MLIP: variants seen among roughly 807,000 people sequenced by gnomAD.
MLIP encodes the protein muscular LMNA-interacting protein.
In MLIP, 79 loss-of-function variants were observed where a neutral mutation model predicts 84.8. That is an observed-to-expected ratio of 0.93 (90% CI 0.78 to 1.12). The LOEUF (loss-of-function observed/expected upper bound fraction) is 1.12, where lower values mean the gene tolerates loss of function less well. Among genes scored for constraint, MLIP ranks in the 50% most tolerant of loss-of-function variants. MLIP has a pLI of 0.00. For missense variants in MLIP, 1,257 were observed against 1,160.6 expected, an observed-to-expected ratio of 1.08 and a Z score of -1.21; for synonymous variants, 504 against 463.0, an observed-to-expected ratio of 1.09 and a Z score of -1.14.
chr6:54,125,547 T>C (rs923984653), intron 3 of MLIP, among the ~76,000 whole-genome samples: 1 of 152,172 alleles, frequency 6.6e-6, no homozygotes, highest in Non-Finnish European at 1.5e-5. Flanking sequence ...AAAGAAAGGA[T>C]GCGGACAAGG....
At chr6:54,201,869 T>C (rs1457282478) in intron 10 of MLIP, among the ~76,000 whole-genome samples, 2 of 152,228 alleles carry the variant, frequency 1.3e-5, no homozygotes, top group Non-Finnish European at 2.9e-5. Flanking sequence ...ATTTTGAATG[T>C]TACAATAGTA....
At chr6:54,102,726 C>A (rs1488731949) in intron 1 of MLIP, among the ~76,000 whole-genome samples, 1 of 152,152 alleles carries the variant, frequency 6.6e-6, no homozygotes, top group African/African-American at 2.4e-5. Context: ...TGTGTATTGA[C>A]CTCCTACTAT....
intron 11 of MLIP, chr6:54,217,125 G>T (rs897546370): frequency 3.0e-6 from 3 of 985,212 alleles, no homozygotes; most frequent in Admixed American, 6.2e-5. Flanking sequence ...GGAGTGAAAG[G>T]CTCCAGTAAT....
intron 12 of MLIP, among the ~76,000 whole-genome samples, chr6:54,232,738 C>G (rs552711969): frequency 6.6e-6 from 1 of 152,318 alleles, no homozygotes. Context: ...AAGACATAAT[C>G]TGTTATTTAA....
intron 1 of MLIP, chr6:54,031,315 G>A (rs1764121492): frequency 6.6e-6 from 1 of 152,040 alleles, no homozygotes; most frequent in African/African-American, 2.4e-5. Context: ...TCTGATTTTG[G>A]TGCTTTACTC....
intron 9 of MLIP, among the ~76,000 whole-genome samples, chr6:54,172,567 A>G (rs1241819135): frequency 6.6e-6 from 1 of 151,700 alleles, no homozygotes; most frequent in Non-Finnish European, 1.5e-5. Flanking sequence ...TGTTAAAACC[A>G]ACTTACAAAT....
At chr6:54,120,855 T>C (rs1332369729) in intron 1 of MLIP, among the ~76,000 whole-genome samples, 1 of 152,128 alleles carries the variant, frequency 6.6e-6, no homozygotes, top group Non-Finnish European at 1.5e-5. Context: ...TTCACCGTTG[T>C]TTCCCTACCT....
intron 12 of MLIP, among the ~76,000 whole-genome samples, chr6:54,239,582 C>T (rs1781594447): frequency 6.7e-6 from 1 of 149,512 alleles, no homozygotes; most frequent in Non-Finnish European, 1.5e-5. Context: ...ACCAGCCTGA[C>T]CAACATCCAA....
At chr6:54,117,740 A>G (rs1770071222) in intron 1 of MLIP, among the ~76,000 whole-genome samples, 1 of 151,216 alleles carries the variant, frequency 6.6e-6, no homozygotes, top group South Asian at 2.1e-4. Context: ...AGATCAGGAG[A>G]TCGACACCAT....
At chr6:54,258,023 T>C (rs1271046790) in intron 13 of MLIP, among the ~76,000 whole-genome samples, 1 of 152,128 alleles carries the variant, frequency 6.6e-6, no homozygotes, top group East Asian at 1.9e-4. Context: ...TTTACTTTTG[T>C]ATTCCTCAAG....
At position 54,126,500 on chromosome 6, in the gene MLIP, C is replaced by T. The variant is rs559646789; in HGVS notation, c.645+1635C>T. ...TAATTGTGGCTGAAGATTATGATTA[C>T]CAGTAGTGGTGGAATACTAGATCCT... On this transcript the variant is annotated intron_variant, in intron 3 of 13. Transcript: ENST00000502396. Among the ~76,000 whole-genome samples the T allele has an allele frequency of 1.8e-4, 27 of 151,718 alleles. 1 individual carries two copies. In the South Asian group the frequency reaches 5.6e-3, roughly 32 times the overall value.
intron 2 of MLIP, among the ~76,000 whole-genome samples, chr6:54,122,626 ATGC>A (rs553992057): frequency 1.3e-4 from 20 of 152,292 alleles, no homozygotes; most frequent in Non-Finnish European, 2.5e-4. Context: ...GGGGTTTTCA[ATGC>A]TGCTATCTTC....
chr6:54,052,307 A>G (rs1235669868), intron 1 of MLIP, among the ~76,000 whole-genome samples: 3 of 152,176 alleles, frequency 2.0e-5, no homozygotes, highest in African/African-American at 7.2e-5. Flanking sequence ...GCATCAGGAA[A>G]GCACATTAAA....
intron 1 of MLIP, among the ~76,000 whole-genome samples, chr6:54,104,307 G>A (rs1768859058): frequency 6.6e-6 from 1 of 152,078 alleles, no homozygotes; most frequent in African/African-American, 2.4e-5. Flanking sequence ...GCATCACTCT[G>A]TCTGCTTAAA....
At chr6:54,111,078 T>A (rs191923995), upstream of MLIP, among the ~76,000 whole-genome samples, 1,490 of 152,348 alleles carry the variant, frequency 9.8e-3, 28 homozygotes, top group African/African-American at 0.033. Flanking sequence ...ACCAACTGAT[T>A]ATTGAGATTG....
At chr6:54,120,184 C>T (rs1422211516) in intron 1 of MLIP, among the ~76,000 whole-genome samples, 2 of 152,172 alleles carry the variant, frequency 1.3e-5, no homozygotes, top group African/African-American at 4.8e-5. Flanking sequence ...ATTTAGTCCT[C>T]AACTTATGCT....
intron 11 of MLIP, among the ~76,000 whole-genome samples, chr6:54,230,288 C>T (rs1780896346): frequency 6.6e-6 from 1 of 152,138 alleles, no homozygotes; most frequent in Admixed American, 6.5e-5. Context: ...CAATGCCCTC[C>T]CCTTGACTTC....
intron 1 of MLIP, among the ~76,000 whole-genome samples, chr6:54,077,159 A>C (rs989241103): frequency 6.6e-6 from 1 of 152,220 alleles, no homozygotes; most frequent in East Asian, 1.9e-4. Context: ...CAAGGCTGCC[A>C]TACTATCTTA....
chr6:54,179,460 T>C (rs1776633016), intron 9 of MLIP, among the ~76,000 whole-genome samples: 1 of 151,952 alleles, frequency 6.6e-6, no homozygotes, highest in Non-Finnish European at 1.5e-5. Flanking sequence ...CTGGTTGTTT[T>C]GTGGTATCCT....
Sources: allele counts gnomAD v4.1 joint callset (sites outside exome capture counted in the v4.1 genomes callset), GRCh38; gene constraint gnomAD v4.1.1; transcripts MANE v1.5; gene names NCBI Gene and HGNC (gene_info 2026-07-23, HGNC 2026-07-21).